SYNE1: variants seen among roughly 807,000 people sequenced by gnomAD.
The protein encoded by SYNE1 is spectrin repeat containing nuclear envelope protein 1, also known as nesprin-1.
Under a neutral mutation model 1,111.0 loss-of-function variants are expected in SYNE1, and 616 were observed. The ratio of observed to expected loss-of-function variants is 0.55; its 90% CI spans 0.52 to 0.59. The LOEUF (loss-of-function observed/expected upper bound fraction) is 0.59, where lower values mean the gene tolerates loss of function less well. Ranked by LOEUF, SYNE1 falls within the 20% of genes least tolerant of loss-of-function variation. The pLI is 0.00. For synonymous variants in SYNE1, 3,855 were observed against 3,825.8 expected (o/e 1.01, Z -0.28); for missense variants, 10,006 against 10,417.0 (o/e 0.96, Z 1.72).
intron 6 of SYNE1, among the ~76,000 whole-genome samples, chr6:152,514,910 C>G (rs1164187823): frequency 6.6e-6 from 1 of 152,120 alleles, no homozygotes; most frequent in East Asian, 1.9e-4. Flanking sequence ...GACTAATGCA[C>G]AGCTCACAGA....
intron 112 of SYNE1, among the ~76,000 whole-genome samples, chr6:152,233,402 A>G (rs554223219): frequency 6.6e-6 from 1 of 150,770 alleles, no homozygotes; most frequent in South Asian, 2.1e-4. Flanking sequence ...ATCTCGGCTC[A>G]CTCCATCTGC....
chr6:152,566,400 G>C (rs1368929909), intron 3 of SYNE1, among the ~76,000 whole-genome samples: 2 of 149,312 alleles, frequency 1.3e-5, no homozygotes, highest in African/African-American at 2.5e-5. Context: ...TACCAGCTTT[G>C]AGAAAAAAAA....
intron 60 of SYNE1, 22 bp from the exon 61 acceptor site, chr6:152,369,149 C>T: frequency 6.2e-7 from 1 of 1,610,974 alleles, no homozygotes; most frequent in South Asian, 1.1e-5. Flanking sequence ...AAGCAAGTTA[C>T]TATTCAGAGG....
chr6:152,387,091 T>A lies in SYNE1; in HGVS notation c.8468A>T (p.Asp2823Val), dbSNP rs545685387. 5.0e-6 allele frequency: 8 copies of A among 1,613,842 alleles called. No homozygotes were observed. In the South Asian group the frequency reaches 6.6e-5, roughly 13 times the overall value. The change falls in exon 54 of 146, where the codon GAT becomes GTT. Residue 2823 changes from aspartate (D) to valine (V), a missense_variant. Transcript: ENST00000367255. ...AQEELKTQFN[D>V]IMTVAKEKMR... ...ACTAACCTTGGCAACAGTCATTATA[T>A]CATTAAACTGTGTTTTCAGCTCCTC...
rs893264818 is a variant in SYNE1, at chr6:152,442,001, G to C, written c.4008+74C>G. On this transcript the variant is annotated intron_variant, in intron 31 of 145. Transcript: ENST00000367255. ...AGAGGCGGTAACAAAGGTTCGCCTT[G>C]GTGTTATGAGGCACAACCGGAAGTG... 3.2e-6 allele frequency: 5 copies of C among 1,555,112 alleles called. No homozygotes were observed. In the African/African-American group the frequency reaches 4.1e-5, roughly 13 times the overall value.
chr6:152,580,229 C>A (rs1358017956), intron 3 of SYNE1, among the ~76,000 whole-genome samples: 1 of 152,144 alleles, frequency 6.6e-6, no homozygotes, highest in Non-Finnish European at 1.5e-5. Context: ...GAGATGGCAT[C>A]TCATCATGGT....
At chr6:152,202,123 G>A (rs1021534225) in intron 126 of SYNE1, among the ~76,000 whole-genome samples, 174 bp from the exon 127 acceptor site, 11 of 152,008 alleles carry the variant, frequency 7.2e-5, no homozygotes, top group South Asian at 2.1e-4. Flanking sequence ...GAGGCGGGTG[G>A]ATCACTCGAG....
intron 82 of SYNE1, 48 bp from the exon 83 acceptor site, chr6:152,321,934 C>G (rs2095877148): frequency 3.1e-6 from 5 of 1,608,060 alleles, no homozygotes; most frequent in Non-Finnish European, 4.3e-6. Flanking sequence ...GAAAGGAACC[C>G]CCTAATACTT....
Position 152,300,761 on chromosome 6 carries a change from G to A in SYNE1, c.17562C>T (p.His5854=), listed in dbSNP as rs771992733. 4 of 1,614,104 alleles carry A rather than the reference G, an allele frequency of 2.5e-6. No homozygotes were observed. The highest frequency in any genetic ancestry group is 1.3e-5 in the African/African-American group (1 of 74,928). Reference sequence around the variant, plus strand: ...CCTCAGTGACCGGTGACAGCAAAGTGTGACAGCGACCTGCAGTCATCTGCC... The same window carrying A: ...CCTCAGTGACCGGTGACAGCAAAGTATGACAGCGACCTGCAGTCATCTGCC... ...SVVMMTAGRC[H]TLLSPVTEES... The change falls in exon 93 of 146, where the codon CAC becomes CAT. Residue 5854 remains histidine, a synonymous_variant. Coordinates refer to ENST00000367255, the MANE Select transcript of SYNE1 (RefSeq NM_182961.4).
At chr6:152,412,265 C>CA (rs376292146) in intron 42 of SYNE1, among the ~76,000 whole-genome samples, 15 of 150,590 alleles carry the variant, frequency 1.0e-4, no homozygotes, top group East Asian at 5.9e-4. Flanking sequence ...ACTAAAAATA[C>CA]AAAAAAAAAT....
chr6:152,577,919 G>A (rs2099505377), intron 3 of SYNE1, among the ~76,000 whole-genome samples: 1 of 152,022 alleles, frequency 6.6e-6, no homozygotes, highest in South Asian at 2.1e-4. Context: ...AGAAGCAAAT[G>A]TTTCTTGGAA....
At chr6:152,630,664 A>G (rs1340117920) in intron 2 of SYNE1, among the ~76,000 whole-genome samples, 2 of 152,208 alleles carry the variant, frequency 1.3e-5, no homozygotes. Context: ...CCTATTATCT[A>G]TATCATTTAT....
chr6:152,338,943 G>A (rs1215653144), intron 75 of SYNE1, among the ~76,000 whole-genome samples: 1 of 152,134 alleles, frequency 6.6e-6, no homozygotes, highest in Non-Finnish European at 1.5e-5. Context: ...AAAAGGTGTG[G>A]CAAGATAGGA....
chr6:152,537,576 T>C (rs2099249588), intron 4 of SYNE1, among the ~76,000 whole-genome samples: 1 of 150,168 alleles, frequency 6.7e-6, no homozygotes, highest in South Asian at 2.1e-4. Flanking sequence ...TACACTAGAA[T>C]AAAATGTCAT....
At chr6:152,449,775 A>G in intron 27 of SYNE1, 134 bp from the exon 28 acceptor site, 1 of 762,662 alleles carries the variant, frequency 1.3e-6, no homozygotes, top group Non-Finnish European at 2.2e-6. Flanking sequence ...CTTTTCTGGA[A>G]ACTATTCTTT....
chr6:152,359,354 A>G lies in SYNE1; in HGVS notation c.10404T>C (p.Asp3468=). 1 of 1,614,120 alleles carries G rather than the reference A, an allele frequency of 6.2e-7. No individual in the cohort carries two copies. Among genetic ancestry groups the G allele is most frequent in the Admixed American group, 1.7e-5 (1 of 60,020 alleles). Residue 3468 remains aspartate, a synonymous_variant, in exon 65 of 146, where the codon GAT becomes GAC. Transcript: ENST00000367255. The stretch of plus-strand genomic sequence containing the variant: ...GGATGGCTCTGTATCGTTCCTGTAG[A>G]TCCTGGAGTTCTAGCTGGGTGACAT... The part of the protein sequence containing the change: ...EHYVTQLELQ[D]LQERYRAIQE...
chr6:152,541,503 C>T lies in SYNE1; in HGVS notation c.68-1482G>A, dbSNP rs548383930. The stretch of plus-strand genomic sequence containing the variant: ...GCGGCTCATGCCTGTAATCCCAGCA[C>T]TTTGGGAGGCCGAGGCAGGCAGATT... On this transcript the variant is annotated intron_variant, in intron 3 of 145. Transcript: ENST00000367255. Among the ~76,000 whole-genome samples the T allele has an allele frequency of 2.0e-5, 3 of 152,178 alleles. No individual in the cohort carries two copies. In the East Asian group the frequency reaches 5.8e-4, roughly 29 times the overall value.
At chr6:152,517,827 G>A (rs1442925171) in intron 6 of SYNE1, among the ~76,000 whole-genome samples, 1 of 152,186 alleles carries the variant, frequency 6.6e-6, no homozygotes, top group South Asian at 2.1e-4. Flanking sequence ...AGAAACTAGA[G>A]AGACTGGTTA....
intron 22 of SYNE1, among the ~76,000 whole-genome samples, chr6:152,457,788 G>A (rs492918): frequency 0.27 from 41,134 of 151,634 alleles, 5,933 homozygotes; most frequent in African/African-American, 0.37. Flanking sequence ...AGGCACGTAT[G>A]CCTTTTTAAG....
Sources: allele counts gnomAD v4.1 joint callset (sites outside exome capture counted in the v4.1 genomes callset), GRCh38; gene constraint gnomAD v4.1.1; transcripts MANE v1.5; gene names NCBI Gene and HGNC (gene_info 2026-07-23, HGNC 2026-07-21).